Variants in KLHL1 observed in about 807,000 individuals in gnomAD.
KLHL1 encodes kelch-like protein 1.
A neutral mutation model predicts 77.7 loss-of-function variants in KLHL1; 47 were observed. The observed-to-expected ratio is 0.60, with a 90% CI of 0.48 to 0.77. The LOEUF is 0.77. Ranked by LOEUF, KLHL1 falls within the 30% of genes least tolerant of loss-of-function variation. The pLI is 0.00. For missense variants in KLHL1, 925 were observed against 910.8 expected (o/e 1.02, Z -0.20); for synonymous variants, 360 against 325.2 (o/e 1.11, Z -1.15).
chr13:69,892,745 CAGTT>C (rs1777199178), intron 4 of KLHL1, among the ~76,000 whole-genome samples: 1 of 152,094 alleles, frequency 6.6e-6, no homozygotes, highest in Non-Finnish European at 1.5e-5. Flanking sequence ...AATAGCTAGA[CAGTT>C]GGGATAAAAA....
At chr13:69,716,180 T>C (rs1876112606) in intron 9 of KLHL1, among the ~76,000 whole-genome samples, 1 of 152,196 alleles carries the variant, frequency 6.6e-6, no homozygotes, top group Admixed American at 6.5e-5. Context: ...TTATCTTCTA[T>C]AATTTCTCTA....
chr13:69,741,908 A>G (rs906843695), intron 7 of KLHL1, among the ~76,000 whole-genome samples: 4 of 152,188 alleles, frequency 2.6e-5, no homozygotes, highest in Admixed American at 1.3e-4. Flanking sequence ...GCTGCAAGCT[A>G]TAAAACTACT....
At chr13:70,012,380 T>A (rs941554518) in intron 1 of KLHL1, among the ~76,000 whole-genome samples, 2 of 152,164 alleles carry the variant, frequency 1.3e-5, no homozygotes, top group African/African-American at 4.8e-5. Context: ...TTAATTTTAT[T>A]AAGATATTCA....
intron 5 of KLHL1, among the ~76,000 whole-genome samples, chr13:69,872,776 G>T (rs933769283): frequency 3.3e-5 from 5 of 152,076 alleles, no homozygotes; most frequent in African/African-American, 1.2e-4. Flanking sequence ...CAGTGGGAGG[G>T]GCAAGGCTCT....
chr13:69,739,326 A>G (rs926203483), intron 8 of KLHL1, among the ~76,000 whole-genome samples: 1 of 152,220 alleles, frequency 6.6e-6, no homozygotes, highest in African/African-American at 2.4e-5. Flanking sequence ...CAGTGACACT[A>G]TGAAGCTACT....
intron 1 of KLHL1, among the ~76,000 whole-genome samples, chr13:70,000,639 A>G (rs940172049): frequency 2.6e-5 from 4 of 151,848 alleles, no homozygotes; most frequent in Non-Finnish European, 5.9e-5. Context: ...AATTAAGAAT[A>G]TATAGCTAAC....
At chr13:69,793,840 G>A (rs1400469158) in intron 7 of KLHL1, among the ~76,000 whole-genome samples, 1 of 152,108 alleles carries the variant, frequency 6.6e-6, no homozygotes, top group Non-Finnish European at 1.5e-5. Context: ...CGTTCTGAGT[G>A]AGATAAAAAT....
chr13:70,020,938 C>G (rs1393988958), intron 1 of KLHL1, among the ~76,000 whole-genome samples: 1 of 151,868 alleles, frequency 6.6e-6, no homozygotes, highest in Non-Finnish European at 1.5e-5. Context: ...TCCACATATC[C>G]CCTGCTTCTG....
chr13:69,839,885 CTT>C (rs989207552), intron 5 of KLHL1, among the ~76,000 whole-genome samples: 4 of 151,938 alleles, frequency 2.6e-5, no homozygotes, highest in Non-Finnish European at 1.5e-5. Context: ...TTATTTTCCT[CTT>C]TCTCTTTCGC....
chr13:69,965,718 G>A (rs554107710), intron 2 of KLHL1, among the ~76,000 whole-genome samples: 1 of 152,274 alleles, frequency 6.6e-6, no homozygotes, highest in Non-Finnish European at 1.5e-5. Flanking sequence ...AAAAAGTCTT[G>A]AAGTAAATTA....
chr13:69,800,100 GGGACTGCTATTCTAGA>G lies in KLHL1; in HGVS notation c.1415-3154_1415-3139del, dbSNP rs1717305570. On this transcript the variant is annotated intron_variant, in intron 6 of 10. Coordinates refer to ENST00000377844, the MANE Select transcript of KLHL1 (RefSeq NM_020866.3). ...CTAGTCCCTGGTGCCCAAAAAGTTG[GGGACTGCTATTCTAGA>G]GGCCACCACATTCCTTGTTACTCCA... 2.0e-5 allele frequency among the ~76,000 whole-genome samples: 3 copies of G among 152,104 alleles called. No individual in the cohort carries two copies. In the South Asian group the frequency reaches 6.2e-4, roughly 32 times the overall value.
rs532901591 is a variant in KLHL1, at chr13:70,036,832, G to A, written c.498-61030C>T. 1.2e-3 allele frequency among the ~76,000 whole-genome samples: 115 copies of A among 95,126 alleles called. 1 individual carries two copies. The highest frequency in any genetic ancestry group is 4.3e-3 in the African/African-American group (114 of 26,314). 62.4% of individuals were successfully genotyped at this position (95,126 alleles called of 152,430 possible). ...AACTTGGGTTTGATTTTAATGCCAT[G>A]GTCTTTTTTTTTTTTTTTTTTTTTT... On this transcript the variant is annotated intron_variant, in intron 1 of 10. Transcript: ENST00000377844.
At chr13:69,783,055 C>T (rs1281151923) in intron 7 of KLHL1, among the ~76,000 whole-genome samples, 1 of 152,212 alleles carries the variant, frequency 6.6e-6, no homozygotes, top group Non-Finnish European at 1.5e-5. Flanking sequence ...GCTGCTGATA[C>T]CCAGGCAAAC....
intron 6 of KLHL1, among the ~76,000 whole-genome samples, chr13:69,836,854 C>CAA (rs56044802): frequency 0.074 from 11,043 of 149,852 alleles, 722 homozygotes; most frequent in African/African-American, 0.18. Flanking sequence ...CAAGAAACTG[C>CAA]AAAAAAAATG....
Position 69,915,481 on chromosome 13 carries a change from G to A in KLHL1, c.1014+24559C>T, listed in dbSNP as rs147457572. Among the ~76,000 whole-genome samples the A allele has an allele frequency of 8.0e-3, 1,217 of 152,162 alleles. 15 individuals are homozygous for A. The highest frequency in any genetic ancestry group is 0.028 in the African/African-American group (1,148 of 41,514). On this transcript the variant is annotated intron_variant, in intron 4 of 10. Coordinates refer to ENST00000377844, the MANE Select transcript of KLHL1 (RefSeq NM_020866.3). ...GATCTTTGACAAACCTGACAAAAAC[G>A]AGAAATGGGGAAACGATTCCCTATT...
intron 8 of KLHL1, among the ~76,000 whole-genome samples, chr13:69,722,374 A>G (rs774465497): frequency 2.3e-4 from 35 of 152,098 alleles, no homozygotes; most frequent in Non-Finnish European, 4.6e-4. Flanking sequence ...TTAAAAAGCA[A>G]TGATGACATA....
chr13:69,706,272 T>G (rs946968955), intron 10 of KLHL1, among the ~76,000 whole-genome samples: 1 of 151,850 alleles, frequency 6.6e-6, no homozygotes, highest in African/African-American at 2.4e-5. Context: ...CTACTCCTTC[T>G]TTTTACTTAC....
chr13:69,947,494 T>A (rs1566433939), intron 3 of KLHL1, among the ~76,000 whole-genome samples: 1 of 152,072 alleles, frequency 6.6e-6, no homozygotes, highest in Non-Finnish European at 1.5e-5. Context: ...AAACCCTTGA[T>A]AATAATACAC....
chr13:69,782,463 T>A (rs956257614), intron 7 of KLHL1, among the ~76,000 whole-genome samples: 33 of 152,194 alleles, frequency 2.2e-4, no homozygotes, highest in African/African-American at 6.5e-4. Flanking sequence ...ACTCCCACCC[T>A]AATACTGTGC....
Sources: allele counts gnomAD v4.1 joint callset (sites outside exome capture counted in the v4.1 genomes callset), GRCh38; gene constraint gnomAD v4.1.1; transcripts MANE v1.5; gene names NCBI Gene and HGNC (gene_info 2026-07-23, HGNC 2026-07-21).